Variants in ACAP2 observed in about 807,000 individuals in gnomAD.
ACAP2 encodes the protein ArfGAP with coiled-coil, ankyrin repeat and PH domains 2.
In ACAP2, 39 loss-of-function variants were observed where a neutral mutation model predicts 115.8. The ratio of observed to expected loss-of-function variants is 0.34; its 90% CI spans 0.26 to 0.44. The LOEUF (loss-of-function observed/expected upper bound fraction) is 0.44. Among genes scored for constraint, ACAP2 ranks in the 20% least tolerant of loss-of-function variants. The pLI is 1.00. For synonymous variants in ACAP2, 289 were observed against 315.8 expected (o/e 0.92, Z 0.90); for missense variants, 662 against 927.6 (o/e 0.71, Z 3.72).
intron 6 of ACAP2, among the ~76,000 whole-genome samples, chr3:195,339,116 A>G (rs1164461559): frequency 1.3e-5 from 2 of 152,238 alleles, no homozygotes; most frequent in East Asian, 3.9e-4. Flanking sequence ...CTGTAATCCC[A>G]GCTACTCGGC....
At chr3:195,411,912 C>G (rs1420639785) in intron 1 of ACAP2, among the ~76,000 whole-genome samples, 1 of 149,018 alleles carries the variant, frequency 6.7e-6, no homozygotes, top group Non-Finnish European at 1.5e-5. Flanking sequence ...AAAAAACTCA[C>G]AATGAATGTC....
At chr3:195,329,181 G>T (rs1730012133) in intron 8 of ACAP2, among the ~76,000 whole-genome samples, 2 of 152,014 alleles carry the variant, frequency 1.3e-5, no homozygotes, top group Non-Finnish European at 2.9e-5. Flanking sequence ...AAAGAATAAA[G>T]AAAAAATATC....
At chr3:195,313,614 A>G (rs540215276) in intron 10 of ACAP2, among the ~76,000 whole-genome samples, 2 of 152,338 alleles carry the variant, frequency 1.3e-5, no homozygotes, top group African/African-American at 4.8e-5. Context: ...AGGCCAATAG[A>G]AATAAAACAT....
At chr3:195,322,588 T>C (rs1729519990) in intron 9 of ACAP2, among the ~76,000 whole-genome samples, 1 of 152,138 alleles carries the variant, frequency 6.6e-6, no homozygotes, top group Admixed American at 6.5e-5. Flanking sequence ...TGCTTCCTAC[T>C]TTTTCTTTGG....
In ACAP2 at chr3:195,363,622, TAC is replaced by T. The variant is rs546329426; in HGVS notation, c.285+17385_285+17386del. Among the ~76,000 whole-genome samples the T allele has an allele frequency of 1.7e-3, 255 of 146,904 alleles. 2 individuals are homozygous for T. The highest frequency in any genetic ancestry group is 4.7e-3 in the African/African-American group (188 of 40,012). ...TCCTAAAAATTTATATGAAACCACA[TAC>T]ACACACACACACACACACACACAAA... On this transcript the variant is annotated intron_variant, in intron 4 of 22. Transcript: ENST00000326793.
At chr3:195,344,122 G>A (rs1318220875) in intron 5 of ACAP2, among the ~76,000 whole-genome samples, 9 of 152,240 alleles carry the variant, frequency 5.9e-5, no homozygotes, top group African/African-American at 2.2e-4. Flanking sequence ...GGAGGCTGAG[G>A]TGGGAGGATC....
At chr3:195,385,388 T>TAA (rs57423683) in intron 2 of ACAP2, among the ~76,000 whole-genome samples, 2,741 of 113,906 alleles carry the variant, frequency 0.024, 82 homozygotes, top group African/African-American at 0.079. Context: ...ACAAACTTAG[T>TAA]AAAAAAAAAA....
intron 4 of ACAP2, among the ~76,000 whole-genome samples, chr3:195,353,361 T>TAG (rs1406254835): frequency 6.6e-6 from 1 of 152,198 alleles, no homozygotes; most frequent in Non-Finnish European, 1.5e-5. Flanking sequence ...TATACAGCAG[T>TAG]AGATAGCTAA....
At chr3:195,350,699 T>C (rs934327743) in intron 4 of ACAP2, among the ~76,000 whole-genome samples, 1 of 149,904 alleles carries the variant, frequency 6.7e-6, no homozygotes, top group African/African-American at 2.5e-5. Flanking sequence ...AAAGCAGAAA[T>C]TACCCACGCA....
chr3:195,331,581 G>A (rs1730171002), intron 8 of ACAP2, among the ~76,000 whole-genome samples: 1 of 151,892 alleles, frequency 6.6e-6, no homozygotes, highest in Admixed American at 6.6e-5. Flanking sequence ...CCAAAGTGCT[G>A]GGATTACAGG....
At chr3:195,359,283 C>T (rs1732190508) in intron 4 of ACAP2, among the ~76,000 whole-genome samples, 1 of 152,148 alleles carries the variant, frequency 6.6e-6, no homozygotes, top group African/African-American at 2.4e-5. Context: ...CAAAGACAAA[C>T]ACGGAATACT....
At position 195,277,318 on chromosome 3, in the gene ACAP2, T is replaced by C. The variant is rs1276057168; in HGVS notation, c.*2010A>G. On this transcript the variant is annotated 3_prime_UTR_variant, in exon 23 of 23. Coordinates refer to ENST00000326793, the MANE Select transcript of ACAP2 (RefSeq NM_012287.6). Reference sequence around the variant, plus strand: ...ATGCTAATAAAAACTACAAATCAGATTTTTGCCTTTAGTGAAGGTGCCTAA... The same window carrying C: ...ATGCTAATAAAAACTACAAATCAGACTTTTGCCTTTAGTGAAGGTGCCTAA... 4.6e-5 allele frequency: 7 copies of C among 152,214 alleles called. No homozygotes were observed. Among genetic ancestry groups the C allele is most frequent in the African/African-American group, 1.7e-4 (7 of 41,462 alleles). The allele number at this position is 152,214 out of a possible 1,614,324, so 9.4% of individuals were successfully genotyped here.
At position 195,438,760 on chromosome 3, in the gene ACAP2, T is replaced by G. The variant is rs573853770; in HGVS notation, c.53+4035A>C. Among the ~76,000 whole-genome samples, 84 of 152,262 alleles carry G rather than the reference T, an allele frequency of 5.5e-4. 1 individual carries two copies. Among genetic ancestry groups the G allele is most frequent in the South Asian group, 1.7e-3 (8 of 4,820 alleles). On this transcript the variant is annotated intron_variant, in intron 1 of 22. Coordinates refer to ENST00000326793, the MANE Select transcript of ACAP2 (RefSeq NM_012287.6). ...TAAAAAAAAAGTTATTCTAAGTTAC[T>G]GAACAAGAATCGTATCTAGCCGGGC...
chr3:195,360,239 C>G (rs976304218), intron 4 of ACAP2, among the ~76,000 whole-genome samples: 3 of 151,868 alleles, frequency 2.0e-5, no homozygotes, highest in Admixed American at 2.0e-4. Context: ...TTATATCACA[C>G]AAAACAGACT....
intron 1 of ACAP2, among the ~76,000 whole-genome samples, chr3:195,416,851 AAAATGT>A (rs1321628380): frequency 6.6e-6 from 1 of 152,156 alleles, no homozygotes; most frequent in East Asian, 1.9e-4. Context: ...TATCTATCTT[AAAATGT>A]AAAAGAAATT....
At chr3:195,441,752 A>G (rs1165726174) in intron 1 of ACAP2, 1 of 152,242 alleles carries the variant, frequency 6.6e-6, no homozygotes, top group African/African-American at 2.4e-5. Flanking sequence ...GACTATGACC[A>G]GCCCTGTAAA....
chr3:195,359,920 AAACAT>A (rs1732239666), intron 4 of ACAP2, among the ~76,000 whole-genome samples: 1 of 152,248 alleles, frequency 6.6e-6, no homozygotes, highest in Non-Finnish European at 1.5e-5. Flanking sequence ...CAAGAAAAGA[AAACAT>A]AACACCAGAG....
intron 22 of ACAP2, among the ~76,000 whole-genome samples, chr3:195,283,750 C>T (rs191535406): frequency 6.6e-6 from 1 of 152,270 alleles, no homozygotes; most frequent in East Asian, 1.9e-4. Context: ...AAAAATCTAA[C>T]CCTTCTCAAG....
intron 1 of ACAP2, among the ~76,000 whole-genome samples, chr3:195,436,511 CT>C (rs778719343): frequency 6.6e-6 from 1 of 152,158 alleles, no homozygotes; most frequent in Non-Finnish European, 1.5e-5. Context: ...CTCCACCTCT[CT>C]TTTGGGTACT....
Sources: gnomAD v4.1 joint callset for allele counts (sites outside exome capture counted in the v4.1 genomes callset) on GRCh38, gnomAD v4.1.1 for gene constraint, MANE v1.5 for transcripts, NCBI Gene and HGNC (gene_info 2026-07-23, HGNC 2026-07-21) for gene names.